The following LRRC2 variants were observed in gnomAD, a reference collection of about 807,000 sequenced individuals.
LRRC2 encodes the protein leucine-rich repeat-containing protein 2.
Under a neutral mutation model 40.2 loss-of-function variants are expected in LRRC2, and 27 were observed. The observed-to-expected ratio is 0.67, with a 90% confidence interval of 0.49 to 0.93. The LOEUF (loss-of-function observed/expected upper bound fraction) is 0.93. Ranked by LOEUF, LRRC2 falls within the 40% of genes least tolerant of loss-of-function variation. The pLI is 0.00. For synonymous variants in LRRC2, 147 were observed against 158.9 expected (o/e 0.92, Z 0.56); for missense variants, 402 against 439.6 (o/e 0.91, Z 0.76).
rs1327112967 is a variant in LRRC2 at position 46,519,920 on chromosome 3, C to T, written c.1067-857G>A. Among the ~76,000 whole-genome samples the T allele has an allele frequency of 2.6e-5, 4 of 151,950 alleles. No homozygotes were observed. In the South Asian group the frequency reaches 6.2e-4, roughly 24 times the overall value. On this transcript the variant is annotated intron_variant, in intron 8 of 8. Transcript: ENST00000395905. Reference sequence around the variant, plus strand: ...AGCACATGCCTGACCATATCTAGGTCGAAACATTAAAAAGTGTCATTTCTG... The same window carrying T: ...AGCACATGCCTGACCATATCTAGGTTGAAACATTAAAAAGTGTCATTTCTG...
rs146613447 is a variant in LRRC2 at position 46,530,551 on chromosome 3, A to C, written c.628-501T>G. 3.3e-5 allele frequency among the ~76,000 whole-genome samples: 5 copies of C among 152,340 alleles called. No homozygotes were observed. In the East Asian group the frequency reaches 7.7e-4, roughly 24 times the overall value. Reference sequence around the variant, plus strand: ...GCTGAGATTATGCCACTGCACACAAAAAAAAGACATAACCAATACTGGGTA... The same window carrying C: ...GCTGAGATTATGCCACTGCACACAACAAAAAGACATAACCAATACTGGGTA... On this transcript the variant is annotated intron_variant, in intron 5 of 8. Transcript: ENST00000395905.
intron 7 of LRRC2, among the ~76,000 whole-genome samples, chr3:46,524,430 C>A (rs982884313): frequency 6.6e-6 from 1 of 152,174 alleles, no homozygotes; most frequent in Non-Finnish European, 1.5e-5. Context: ...TATAAAAATT[C>A]TTCCGTTTTT....
intron 4 of LRRC2, among the ~76,000 whole-genome samples, chr3:46,536,947 C>T (rs1167394293): frequency 2.0e-5 from 3 of 152,150 alleles, no homozygotes; most frequent in Admixed American, 6.5e-5. Flanking sequence ...TGACTCATCC[C>T]ATGGTGATGC....
At chr3:46,532,724 C>T (rs1704183224) in intron 5 of LRRC2, 49 bp downstream of exon 5, 2 of 1,588,074 alleles carry the variant, frequency 1.3e-6, no homozygotes, top group African/African-American at 1.4e-5. Flanking sequence ...CATTCTATGT[C>T]ATAAACCAAA....
intron 3 of LRRC2, among the ~76,000 whole-genome samples, chr3:46,539,451 G>A (rs1355738850): frequency 6.6e-6 from 1 of 152,038 alleles, no homozygotes; most frequent in Non-Finnish European, 1.5e-5. Context: ...AAATCCTAGT[G>A]AACACAAAAA....
chr3:46,522,207 T>A (rs958119090), intron 7 of LRRC2, among the ~76,000 whole-genome samples: 3 of 151,836 alleles, frequency 2.0e-5, no homozygotes, highest in African/African-American at 4.8e-5. Context: ...AAACCCTGTC[T>A]CTACTAAAAA....
At chr3:46,539,240 T>C (rs746467466) in intron 3 of LRRC2, 39 bp from the exon 4 acceptor site, 1 of 1,592,394 alleles carries the variant, frequency 6.3e-7, no homozygotes, top group African/African-American at 1.3e-5. Context: ...AACTAGCTCC[T>C]CCGTGTGCAC....
At position 46,517,481 on chromosome 3, in the gene LRRC2, C is replaced by T. The variant is rs1448345237; in HGVS notation, c.*1533G>A. The T allele has an allele frequency of 6.6e-6, 1 of 152,030 alleles. No individual in the cohort carries two copies. Among genetic ancestry groups the T allele is most frequent in the Non-Finnish European group, 1.5e-5 (1 of 68,012 alleles). The allele number at this position is 152,030 out of a possible 1,614,324, so 9.4% of individuals were successfully genotyped here. A position where few individuals can be genotyped will look rare whatever the true frequency, so the allele number is the denominator to read the frequency against. On this transcript the variant is annotated 3_prime_UTR_variant, in exon 9 of 9. Transcript: ENST00000395905. ...CTGGGACCACAGGCACATGCCACCACACCTGGCTAATTTTTTGAATTTTTT... is the reference window on the plus strand; with the variant it reads ...CTGGGACCACAGGCACATGCCACCATACCTGGCTAATTTTTTGAATTTTTT...
intron 1 of LRRC2, among the ~76,000 whole-genome samples, chr3:46,553,398 T>G (rs980910978): frequency 2.0e-5 from 3 of 152,228 alleles, no homozygotes; most frequent in African/African-American, 7.2e-5. Context: ...TCTCCTCCAA[T>G]TTCAGACACT....
Position 46,518,914 on chromosome 3 carries a change from T to C in LRRC2, c.*100A>G. 2.3e-6 allele frequency: 2 copies of C among 864,320 alleles called. No individual in the cohort carries two copies. The highest frequency in any genetic ancestry group is 1.9e-6 in the Non-Finnish European group (1 of 518,942). 53.5% of individuals were successfully genotyped at this position (864,320 alleles called of 1,614,324 possible). On this transcript the variant is annotated 3_prime_UTR_variant, in exon 9 of 9. Coordinates refer to ENST00000395905, the MANE Select transcript of LRRC2 (RefSeq NM_024512.5). ...AACTATGATAGTGGTTTCTAGACTT[T>C]GTCCTTAAGCACAAGCCATTCTTCC...
At position 46,541,190 on chromosome 3, in the gene LRRC2, G is replaced by A. The variant is rs143497157; in HGVS notation, c.334-1989C>T. The stretch of plus-strand genomic sequence containing the variant: ...CTACTAAAAATACAAAACATTAGCC[G>A]GGCGTGGTGGCGGGCGCCTGCAGTC... On this transcript the variant is annotated intron_variant, in intron 3 of 8. Transcript: ENST00000395905. Among the ~76,000 whole-genome samples the A allele has an allele frequency of 1.0e-2, 1,519 of 152,062 alleles. 6 individuals carry two copies. The highest frequency in any genetic ancestry group is 0.016 in the Non-Finnish European group (1,107 of 67,956).
At chr3:46,521,403 G>T in intron 8 of LRRC2, 119 bp downstream of exon 8, 1 of 684,188 alleles carries the variant, frequency 1.5e-6, no homozygotes, top group Non-Finnish European at 2.4e-6. Context: ...AATAATTTAC[G>T]AAGTAACGTG....
At chr3:46,558,513 A>T (rs1035685487) in intron 1 of LRRC2, 2 of 152,292 alleles carry the variant, frequency 1.3e-5, no homozygotes, top group Admixed American at 6.5e-5. Flanking sequence ...CTGAAGGTCT[A>T]TTCCAGTGTC....
chr3:46,522,817 G>T (rs1264108722), intron 7 of LRRC2, among the ~76,000 whole-genome samples: 1 of 135,048 alleles, frequency 7.4e-6, no homozygotes, highest in African/African-American at 2.7e-5. Context: ...ACAAGCTAAA[G>T]GGGGGAAACC....
intron 3 of LRRC2, among the ~76,000 whole-genome samples, chr3:46,540,293 G>A (rs1282198062): frequency 6.6e-6 from 1 of 152,228 alleles, no homozygotes; most frequent in South Asian, 2.1e-4. Flanking sequence ...GGGAGGCCAA[G>A]GCGGGTGAAT....
intron 1 of LRRC2, among the ~76,000 whole-genome samples, chr3:46,552,862 G>A (rs1704693666): frequency 6.7e-6 from 1 of 149,134 alleles, no homozygotes; most frequent in Non-Finnish European, 1.5e-5. Context: ...TTTTCAAAGA[G>A]CAAGGAAAGT....
At chr3:46,527,753 G>T (rs966261589) in intron 6 of LRRC2, among the ~76,000 whole-genome samples, 172 bp from the exon 7 acceptor site, 2 of 151,544 alleles carry the variant, frequency 1.3e-5, no homozygotes, top group Admixed American at 6.6e-5. Context: ...TTTGAGACAA[G>T]GTGTTATTAT....
intron 2 of LRRC2, chr3:46,550,982 G>A (rs542414251): frequency 2.0e-5 from 3 of 152,252 alleles, no homozygotes; most frequent in Admixed American, 6.5e-5. Context: ...CATATTTCAC[G>A]GCCGTATATG....
chr3:46,553,415 T>C (rs114542294), intron 1 of LRRC2, among the ~76,000 whole-genome samples: 1 of 152,228 alleles, frequency 6.6e-6, no homozygotes, highest in Non-Finnish European at 1.5e-5. Flanking sequence ...CACTTCTATA[T>C]AGCAGTCACG....
Sources: allele counts gnomAD v4.1 joint callset (sites outside exome capture counted in the v4.1 genomes callset), GRCh38; gene constraint gnomAD v4.1.1; transcripts MANE v1.5; gene names NCBI Gene and HGNC (gene_info 2026-07-23, HGNC 2026-07-21).